Variants in WWC2 observed in about 807,000 individuals in gnomAD.
WWC2 encodes protein WWC2.
In WWC2, 101 loss-of-function variants were observed where a neutral mutation model predicts 138.5. The ratio of observed to expected loss-of-function variants is 0.73; its 90% CI spans 0.62 to 0.86. The LOEUF is 0.86. Ranked by LOEUF, WWC2 falls within the 40% of genes least tolerant of loss-of-function variation. WWC2 has a pLI of 0.00. For synonymous variants in WWC2, 558 were observed against 538.4 expected (o/e 1.04, Z -0.50); for missense variants, 1,420 against 1,419.4 (o/e 1.00, Z -0.01).
rs182284101 is a variant in WWC2 at position 183,273,959 on chromosome 4, G to A, written c.2562+2718G>A. Reference sequence around the variant, plus strand: ...TCATCTTTTTGTATGTGGATATGCAGTTGTCCCAGCACCATTTATTGCAAA... The same window carrying A: ...TCATCTTTTTGTATGTGGATATGCAATTGTCCCAGCACCATTTATTGCAAA... On this transcript the variant is annotated intron_variant, in intron 16 of 22. Transcript: ENST00000403733. Among the ~76,000 whole-genome samples the A allele has an allele frequency of 5.3e-5, 8 of 152,298 alleles. No homozygotes were observed. In the East Asian group the frequency reaches 1.5e-3, roughly 29 times the overall value.
At chr4:183,285,436 T>G (rs1029722578) in intron 19 of WWC2, among the ~76,000 whole-genome samples, 2 of 152,222 alleles carry the variant, frequency 1.3e-5, no homozygotes, top group African/African-American at 2.4e-5. Context: ...CTTAAACATA[T>G]GATTTTTAAT....
chr4:183,269,258 C>A, intron 15 of WWC2, 95 bp downstream of exon 15: 1 of 1,194,806 alleles, frequency 8.4e-7, no homozygotes, highest in Non-Finnish European at 1.2e-6. Flanking sequence ...CCCTAGAAAT[C>A]ACTACAGACC....
intron 1 of WWC2, among the ~76,000 whole-genome samples, chr4:183,105,311 A>C (rs1019433300): frequency 6.6e-6 from 1 of 152,236 alleles, no homozygotes; most frequent in Admixed American, 6.5e-5. Flanking sequence ...GCCCAGGTGC[A>C]CCAGGAAAAG....
intron 4 of WWC2, among the ~76,000 whole-genome samples, chr4:183,231,729 T>C (rs1736252897): frequency 6.6e-6 from 1 of 151,966 alleles, no homozygotes; most frequent in Non-Finnish European, 1.5e-5. Flanking sequence ...AGCATTGTTG[T>C]CCAGCTTGGA....
Position 183,320,155 on chromosome 4 carries a change from C to A in WWC2, c.*4426C>A, listed in dbSNP as rs752061580. 2 of 1,614,128 alleles carry A rather than the reference C, an allele frequency of 1.2e-6. No homozygotes were observed. The highest frequency in any genetic ancestry group is 1.7e-5 in the Admixed American group (1 of 60,014). The stretch of plus-strand genomic sequence containing the variant: ...AGGTAGTTTGTAAGACAGGATAAAA[C>A]CCATCCCAGCAAAGATAATGAAACT... On this transcript the variant is annotated 3_prime_UTR_variant, in exon 23 of 23. Coordinates refer to ENST00000403733, the MANE Select transcript of WWC2 (RefSeq NM_024949.6).
intron 1 of WWC2, among the ~76,000 whole-genome samples, chr4:183,127,611 AT>A (rs950107621): frequency 6.6e-6 from 1 of 152,148 alleles, no homozygotes; most frequent in Non-Finnish European, 1.5e-5. Flanking sequence ...TATATTTGGG[AT>A]TTTTGCTAAA....
At chr4:183,122,526 A>AT (rs1732633991) in intron 1 of WWC2, among the ~76,000 whole-genome samples, 1 of 151,968 alleles carries the variant, frequency 6.6e-6, no homozygotes, top group Non-Finnish European at 1.5e-5. Context: ...TCTGTATTTT[A>AT]TTTTATTTTT....
At chr4:183,119,581 C>T (rs1732535200) in intron 1 of WWC2, among the ~76,000 whole-genome samples, 1 of 152,174 alleles carries the variant, frequency 6.6e-6, no homozygotes, top group East Asian at 1.9e-4. Context: ...TCTGTGTAAC[C>T]ATGCACTTTG....
chr4:183,312,226 C>T, intron 21 of WWC2, 115 bp from the exon 22 acceptor site: 1 of 1,434,808 alleles, frequency 7.0e-7, no homozygotes, highest in Non-Finnish European at 9.5e-7. Flanking sequence ...AGCCCACTGG[C>T]TGCCTTGCTT....
At chr4:183,204,628 A>G (rs1214650892) in intron 2 of WWC2, among the ~76,000 whole-genome samples, 1 of 152,230 alleles carries the variant, frequency 6.6e-6, no homozygotes, top group East Asian at 1.9e-4. Flanking sequence ...TTATTATTAT[A>G]TACAAATACA....
intron 1 of WWC2, among the ~76,000 whole-genome samples, chr4:183,174,815 C>T (rs1181822220): frequency 6.6e-6 from 1 of 151,992 alleles, no homozygotes; most frequent in African/African-American, 2.4e-5. Flanking sequence ...CTCTCTGTCT[C>T]TCTCTCTTTT....
chr4:183,297,916 C>T (rs1207303246), intron 21 of WWC2, among the ~76,000 whole-genome samples: 1 of 152,158 alleles, frequency 6.6e-6, no homozygotes, highest in Non-Finnish European at 1.5e-5. Flanking sequence ...CATATGGCTG[C>T]CAGACAATCT....
chr4:183,108,734 C>G (rs1732126202), intron 1 of WWC2, among the ~76,000 whole-genome samples: 1 of 152,124 alleles, frequency 6.6e-6, no homozygotes, highest in Non-Finnish European at 1.5e-5. Context: ...CCTCAGCCTC[C>G]CCAGTAGCTG....
rs1736751103 is a variant in WWC2 at position 183,245,532 on chromosome 4, A to G, written c.719A>G (p.Gln240Arg). The G allele has an allele frequency of 6.3e-7, 1 of 1,593,342 alleles. No homozygotes were observed. Among genetic ancestry groups the G allele is most frequent in the Non-Finnish European group, 8.5e-7 (1 of 1,173,080 alleles). ...ATTAGCTCAGGAGAAAAAGAAAAAC[A>G]AGATCTGATGCAGGTACATTATAAA... ...KAISSGEKEK[Q>R]DLMQSLAKLQ... The change falls in exon 6 of 23, where the codon CAA becomes CGA. Residue 240 changes from glutamine (Q) to arginine (R), a missense_variant. Gln to Arg is a conservative substitution (Grantham distance 43). Transcript: ENST00000403733.
intron 1 of WWC2, among the ~76,000 whole-genome samples, chr4:183,133,542 G>C (rs1374626566): frequency 1.3e-5 from 2 of 152,098 alleles, no homozygotes; most frequent in Non-Finnish European, 2.9e-5. Flanking sequence ...TGTCGCCCAG[G>C]CTGGAGTGCA....
At position 183,318,165 on chromosome 4, in the gene WWC2, GA is replaced by G. The variant is rs1486874435; in HGVS notation, c.*2438del. On this transcript the variant is annotated 3_prime_UTR_variant, in exon 23 of 23. Transcript: ENST00000403733. ...AATGTAATATTTAGTTCTCAAGTTT[GA>G]ATTATCAGTATATTATTACAATTTT... is the stretch of plus-strand genomic sequence containing the variant. 6.6e-6 allele frequency: 1 copy of G among 152,474 alleles called. No individual in the cohort carries two copies. The highest frequency in any genetic ancestry group is 1.5e-5 in the Non-Finnish European group (1 of 68,020). 9.4% of individuals were successfully genotyped at this position (152,474 alleles called of 1,614,324 possible).
At chr4:183,188,312 C>T (rs965173288) in intron 1 of WWC2, among the ~76,000 whole-genome samples, 30 of 152,160 alleles carry the variant, frequency 2.0e-4, no homozygotes, top group African/African-American at 7.2e-4. Flanking sequence ...AATCTTGGCT[C>T]ACTACAACCT....
chr4:183,256,075 C>T (rs1310918283), intron 9 of WWC2, among the ~76,000 whole-genome samples: 1 of 152,048 alleles, frequency 6.6e-6, no homozygotes, highest in East Asian at 1.9e-4. Context: ...TGGATGTTAG[C>T]AGGAAGGGAA....
intron 1 of WWC2, among the ~76,000 whole-genome samples, chr4:183,136,444 C>G (rs1733118166): frequency 6.6e-6 from 1 of 152,106 alleles, no homozygotes; most frequent in Non-Finnish European, 1.5e-5. Flanking sequence ...CTCATTGGTT[C>G]ATTTTCAAAT....
Sources: gnomAD v4.1 joint callset for allele counts (sites outside exome capture counted in the v4.1 genomes callset) on GRCh38, gnomAD v4.1.1 for gene constraint, MANE v1.5 for transcripts, NCBI Gene and HGNC (gene_info 2026-07-23, HGNC 2026-07-21) for gene names.